MRPL1: variants seen among roughly 807,000 people sequenced by gnomAD.
The protein encoded by MRPL1 is large ribosomal subunit protein uL1m.
A neutral mutation model predicts 38.0 loss-of-function variants in MRPL1; 28 were observed. The observed-to-expected ratio is 0.74, with a 90% CI of 0.55 to 1.01. The LOEUF (loss-of-function observed/expected upper bound fraction) is 1.01, where lower values mean the gene tolerates loss of function less well. Ranked by LOEUF, MRPL1 falls within the 50% of genes least tolerant of loss-of-function variation. The probability of loss-of-function intolerance (pLI) is 0.00; values close to 1 mark genes in which losing one functional copy is unlikely to be tolerated. For missense variants in MRPL1, 358 were observed against 389.8 expected (o/e 0.92, Z 0.69); for synonymous variants, 123 against 126.7 (o/e 0.97, Z 0.20).
At chr4:77,898,297 T>A (rs778034506) in intron 6 of MRPL1, among the ~76,000 whole-genome samples, 2 of 152,088 alleles carry the variant, frequency 1.3e-5, no homozygotes, top group Non-Finnish European at 2.9e-5. Context: ...GTTCAGTGCC[T>A]CTCATTAGAG....
intron 2 of MRPL1, among the ~76,000 whole-genome samples, chr4:77,881,410 T>C (rs1735536565): frequency 6.6e-6 from 1 of 152,076 alleles, no homozygotes; most frequent in Non-Finnish European, 1.5e-5. Flanking sequence ...TTTTGGAGTC[T>C]TTATTCTCTC....
At chr4:77,901,568 A>T (rs1736036501) in intron 6 of MRPL1, among the ~76,000 whole-genome samples, 1 of 152,128 alleles carries the variant, frequency 6.6e-6, no homozygotes, top group Non-Finnish European at 1.5e-5. Context: ...TATACCATAA[A>T]AACTATAAGC....
At chr4:77,866,752 T>C (rs1008186708) in intron 1 of MRPL1, among the ~76,000 whole-genome samples, 15 of 150,938 alleles carry the variant, frequency 9.9e-5, no homozygotes, top group African/African-American at 3.6e-4. Flanking sequence ...CACCCCCCTT[T>C]TTTTTTTTTT....
At chr4:77,885,832 C>T (rs1270391957) in intron 4 of MRPL1, among the ~76,000 whole-genome samples, 1 of 152,148 alleles carries the variant, frequency 6.6e-6, no homozygotes, top group Non-Finnish European at 1.5e-5. Context: ...ATATTATTAG[C>T]TTGAGAAAGA....
intron 6 of MRPL1, among the ~76,000 whole-genome samples, chr4:77,900,280 T>C (rs1302155987): frequency 6.6e-6 from 1 of 152,226 alleles, no homozygotes; most frequent in African/African-American, 2.4e-5. Context: ...GCCAGCTGAC[T>C]ACACTTAGTA....
intron 7 of MRPL1, among the ~76,000 whole-genome samples, chr4:77,920,899 G>C (rs539041316): frequency 1.3e-5 from 2 of 152,024 alleles, no homozygotes; most frequent in Non-Finnish European, 2.9e-5. Flanking sequence ...AGTAGGTGGG[G>C]ATTACAGGCG....
chr4:77,888,324 G>A (rs1251513098), intron 5 of MRPL1, among the ~76,000 whole-genome samples: 1 of 152,082 alleles, frequency 6.6e-6, no homozygotes, highest in Non-Finnish European at 1.5e-5. Context: ...GGCCAACACG[G>A]TGAATCCCCA....
intron 7 of MRPL1, among the ~76,000 whole-genome samples, chr4:77,923,559 T>C (rs1736639710): frequency 2.0e-5 from 3 of 152,202 alleles, no homozygotes; most frequent in Admixed American, 2.0e-4. Context: ...ATTATTGTTT[T>C]CCAAATATTT....
chr4:77,904,748 G>C (rs1352236712), intron 6 of MRPL1, among the ~76,000 whole-genome samples: 1 of 152,130 alleles, frequency 6.6e-6, no homozygotes, highest in Non-Finnish European at 1.5e-5. Flanking sequence ...TTTCAGCAAA[G>C]GTGTCAAGGT....
intron 7 of MRPL1, among the ~76,000 whole-genome samples, chr4:77,942,069 G>T (rs1737142577): frequency 6.6e-6 from 1 of 152,018 alleles, no homozygotes; most frequent in Non-Finnish European, 1.5e-5. Flanking sequence ...TTGATAGGTT[G>T]TGTCACTATT....
At chr4:77,924,043 G>T (rs887937436) in intron 7 of MRPL1, among the ~76,000 whole-genome samples, 1 of 151,842 alleles carries the variant, frequency 6.6e-6, no homozygotes, top group African/African-American at 2.4e-5. Context: ...CTTATTATAT[G>T]CAATGCAGTG....
intron 7 of MRPL1, among the ~76,000 whole-genome samples, chr4:77,925,147 G>GC: frequency 6.6e-6 from 1 of 152,114 alleles, no homozygotes; most frequent in African/African-American, 2.4e-5. Flanking sequence ...TTGAAAGTAA[G>GC]TAACAGGCAT....
chr4:77,864,095 C>A (rs376826861), intron 1 of MRPL1, among the ~76,000 whole-genome samples: 1 of 151,484 alleles, frequency 6.6e-6, no homozygotes, highest in Non-Finnish European at 1.5e-5. Context: ...AACAACAGAC[C>A]CTGATGCCTA....
Position 77,904,084 on chromosome 4 carries a change from T to TA in MRPL1, c.671-5169dup, listed in dbSNP as rs61029767. On this transcript the variant is annotated intron_variant, in intron 6 of 8. Transcript: ENST00000315567. ...AAAATAGCAAGACCAAATCTCTACT[T>TA]AAAAAAAAAAAAATCTACTGGGTGT... Among the ~76,000 whole-genome samples the TA allele has an allele frequency of 8.1e-4, 120 of 148,134 alleles. 3 individuals carry two copies. In the Middle Eastern group the frequency reaches 0.024, roughly 30 times the overall value.
At chr4:77,867,550 T>C (rs1735173739) in intron 1 of MRPL1, among the ~76,000 whole-genome samples, 1 of 95,532 alleles carries the variant, frequency 1.0e-5, no homozygotes. Flanking sequence ...TCTTTTTCTT[T>C]TTCTTTTCTT....
intron 7 of MRPL1, among the ~76,000 whole-genome samples, chr4:77,934,144 A>T (rs1736909516): frequency 6.6e-6 from 1 of 152,226 alleles, no homozygotes; most frequent in African/African-American, 2.4e-5. Flanking sequence ...GCCAGTCTGA[A>T]ATTGTTACTT....
intron 1 of MRPL1, 131 bp downstream of exon 1, chr4:77,863,010 G>A: frequency 1.7e-6 from 2 of 1,145,574 alleles, no homozygotes; most frequent in South Asian, 2.6e-5. Flanking sequence ...AGGTTTTTCA[G>A]AGGGTGGGTC....
intron 7 of MRPL1, among the ~76,000 whole-genome samples, chr4:77,930,839 G>A (rs767214404): frequency 4.6e-5 from 7 of 152,084 alleles, no homozygotes; most frequent in East Asian, 3.8e-4. Context: ...CCCGCACTGC[G>A]CACTTGTCTC....
chr4:77,935,583 A>C (rs1025608219), intron 7 of MRPL1, among the ~76,000 whole-genome samples: 8 of 151,968 alleles, frequency 5.3e-5, no homozygotes, highest in African/African-American at 1.7e-4. Context: ...TTTAGTAGAG[A>C]TAGGGTTTCG....
Sources: allele counts gnomAD v4.1 joint callset (sites outside exome capture counted in the v4.1 genomes callset), GRCh38; gene constraint gnomAD v4.1.1; transcripts MANE v1.5; gene names NCBI Gene and HGNC (gene_info 2026-07-23, HGNC 2026-07-21).